Variants in FAF1 observed in about 807,000 individuals in gnomAD.
FAF1 encodes FAS-associated factor 1.
A neutral mutation model predicts 92.5 loss-of-function variants in FAF1; 25 were observed. The observed-to-expected ratio is 0.27, with a 90% CI of 0.20 to 0.38. FAF1 has a LOEUF of 0.38. FAF1 is among the 10% of genes least tolerant of loss of function. The pLI, the probability that FAF1 is intolerant of heterozygous loss-of-function variation, is 1.00. For synonymous variants in FAF1, 234 were observed against 273.2 expected (o/e 0.86, Z 1.42); for missense variants, 636 against 793.3 (o/e 0.80, Z 2.38).
chr1:50,485,562 T>C (rs1237350692), intron 17 of FAF1, among the ~76,000 whole-genome samples: 1 of 147,738 alleles, frequency 6.8e-6, no homozygotes, highest in African/African-American at 2.5e-5. Flanking sequence ...CTCAGGAGGC[T>C]GAGGCAGGGG....
intron 1 of FAF1, among the ~76,000 whole-genome samples, chr1:50,891,100 T>C (rs1644716084): frequency 6.6e-6 from 1 of 152,206 alleles, no homozygotes; most frequent in Non-Finnish European, 1.5e-5. Flanking sequence ...CTTGCTTAAT[T>C]TCATTCATTT....
chr1:50,524,314 A>T (rs1342743136), intron 15 of FAF1, among the ~76,000 whole-genome samples: 2 of 152,016 alleles, frequency 1.3e-5, no homozygotes, highest in Non-Finnish European at 2.9e-5. Context: ...GTTTGCAAAA[A>T]TTTTCTCCCA....
chr1:50,896,251 C>G (rs1049586410), intron 1 of FAF1, among the ~76,000 whole-genome samples: 3 of 152,030 alleles, frequency 2.0e-5, no homozygotes, highest in African/African-American at 7.2e-5. Flanking sequence ...CACCACTGCA[C>G]TCCAGCCTGG....
chr1:50,806,793 A>C (rs1039406617), intron 2 of FAF1, among the ~76,000 whole-genome samples: 16 of 152,358 alleles, frequency 1.1e-4, no homozygotes, highest in South Asian at 8.3e-4. Flanking sequence ...AATCTTTCAC[A>C]AAGGAAGTGA....
chr1:50,938,819 T>C (rs954200445), intron 1 of FAF1, among the ~76,000 whole-genome samples: 1 of 152,190 alleles, frequency 6.6e-6, no homozygotes, highest in Non-Finnish European at 1.5e-5. Context: ...GCACCATTTA[T>C]TGAATAAGGG....
At chr1:50,744,832 T>C (rs1659523484) in intron 4 of FAF1, 57 bp from the exon 5 acceptor site, 2 of 1,059,660 alleles carry the variant, frequency 1.9e-6, no homozygotes, top group South Asian at 2.9e-5. Flanking sequence ...TTAACATTTG[T>C]CCATATCCAG....
At chr1:50,933,196 T>C (rs1645061880) in intron 1 of FAF1, among the ~76,000 whole-genome samples, 1 of 152,152 alleles carries the variant, frequency 6.6e-6, no homozygotes, top group Non-Finnish European at 1.5e-5. Flanking sequence ...AACTTGAATT[T>C]CTCCTCAAAA....
intron 7 of FAF1, among the ~76,000 whole-genome samples, chr1:50,670,070 G>A (rs564847786): frequency 1.3e-5 from 2 of 148,522 alleles, no homozygotes; most frequent in Admixed American, 6.8e-5. Flanking sequence ...GCGGTGAGCC[G>A]AGATTGCGCC....
chr1:50,706,374 T>C (rs1001747638), intron 6 of FAF1, among the ~76,000 whole-genome samples: 1 of 152,214 alleles, frequency 6.6e-6, no homozygotes, highest in Non-Finnish European at 1.5e-5. Context: ...ACTTCAATTG[T>C]TATGTAAAAA....
intron 12 of FAF1, among the ~76,000 whole-genome samples, chr1:50,580,879 C>G (rs1328310965): frequency 6.6e-6 from 1 of 152,184 alleles, no homozygotes; most frequent in Non-Finnish European, 1.5e-5. Context: ...TCAAGCAATC[C>G]TCCTGCCTCA....
chr1:50,681,980 C>A (rs750170636), intron 7 of FAF1, among the ~76,000 whole-genome samples: 6 of 151,880 alleles, frequency 4.0e-5, no homozygotes, highest in Admixed American at 1.3e-4. Context: ...ACCACAGGCA[C>A]GTACCACCAT....
intron 2 of FAF1, chr1:50,846,396 A>G: frequency 2.8e-6 from 1 of 354,068 alleles, no homozygotes; most frequent in Non-Finnish European, 5.4e-6. Flanking sequence ...GGTCCCCGCC[A>G]TCCCTGCCAT....
intron 12 of FAF1, among the ~76,000 whole-genome samples, chr1:50,570,416 C>T (rs999751384): frequency 2.0e-5 from 3 of 152,076 alleles, no homozygotes; most frequent in African/African-American, 7.2e-5. Flanking sequence ...TGGCTCGCCT[C>T]GCCCCTCTTT....
intron 12 of FAF1, among the ~76,000 whole-genome samples, chr1:50,576,836 T>C (rs1225740698): frequency 6.6e-6 from 1 of 151,398 alleles, no homozygotes; most frequent in African/African-American, 2.4e-5. Flanking sequence ...GTTTTTCTTT[T>C]TTTTTTTTTT....
chr1:50,801,115 T>A (rs1661973284), intron 3 of FAF1, among the ~76,000 whole-genome samples: 1 of 152,218 alleles, frequency 6.6e-6, no homozygotes, highest in Non-Finnish European at 1.5e-5. Flanking sequence ...CTAAAACCAT[T>A]CCACTTGTTA....
intron 2 of FAF1, among the ~76,000 whole-genome samples, chr1:50,812,700 C>T (rs1018266866): frequency 2.0e-5 from 3 of 152,094 alleles, no homozygotes; most frequent in South Asian, 4.1e-4. Flanking sequence ...AATTACCATT[C>T]GACCCCACCA....
intron 1 of FAF1, among the ~76,000 whole-genome samples, chr1:50,928,760 G>C (rs1030208530): frequency 1.1e-4 from 14 of 121,896 alleles, no homozygotes; most frequent in African/African-American, 3.8e-4. Flanking sequence ...TCCAGCCCAG[G>C]CAACAGTGCG....
At chr1:50,491,344 T>G (rs1572781193) in intron 16 of FAF1, among the ~76,000 whole-genome samples, 1 of 152,174 alleles carries the variant, frequency 6.6e-6, no homozygotes, top group South Asian at 2.1e-4. Flanking sequence ...CCTATTCACT[T>G]CTCTCTCCTT....
intron 9 of FAF1, 59 bp from the exon 10 acceptor site, chr1:50,584,870 A>G: frequency 6.9e-7 from 1 of 1,445,584 alleles, no homozygotes; most frequent in Non-Finnish European, 9.6e-7. Context: ...AATTCTAAGA[A>G]TAAGTTATAA....
Sources: gnomAD v4.1 joint callset for allele counts (sites outside exome capture counted in the v4.1 genomes callset) on GRCh38, gnomAD v4.1.1 for gene constraint, MANE v1.5 for transcripts, NCBI Gene and HGNC (gene_info 2026-07-23, HGNC 2026-07-21) for gene names.